The following SLC12A1 variants were observed in gnomAD, a reference collection of about 807,000 sequenced individuals.
SLC12A1 encodes solute carrier family 12 member 1, also known as Na-K-2Cl cotransporter.
Under a neutral mutation model 130.4 loss-of-function variants are expected in SLC12A1, and 89 were observed. That is an observed-to-expected ratio of 0.68 (90% confidence interval 0.58 to 0.81). The LOEUF is 0.81. Among genes scored for constraint, SLC12A1 ranks in the 40% least tolerant of loss-of-function variants. The pLI is 0.00. For synonymous variants in SLC12A1, 499 were observed against 460.0 expected, an observed-to-expected ratio of 1.08 and a Z score of -1.09; for missense variants, 1,310 against 1,336.4, an observed-to-expected ratio of 0.98 and a Z score of 0.31.
intron 21 of SLC12A1, among the ~76,000 whole-genome samples, chr15:48,285,466 AT>A (rs1156241575): frequency 1.3e-5 from 2 of 152,174 alleles, no homozygotes; most frequent in African/African-American, 4.8e-5. Context: ...GTCAAAAATT[AT>A]TTTTTAAATG....
intron 20 of SLC12A1, among the ~76,000 whole-genome samples, chr15:48,275,217 A>G (rs543196648): frequency 2.6e-5 from 4 of 152,350 alleles, no homozygotes; most frequent in Non-Finnish European, 4.4e-5. Context: ...TATGAAATAA[A>G]GAACATATTG....
chr15:48,301,600 T>C (rs1183794519), intron 26 of SLC12A1, among the ~76,000 whole-genome samples: 1 of 151,494 alleles, frequency 6.6e-6, no homozygotes, highest in Non-Finnish European at 1.5e-5. Context: ...AGAGCCTCAC[T>C]TGGACTTGCT....
intron 2 of SLC12A1, among the ~76,000 whole-genome samples, chr15:48,209,083 C>A (rs146858294): frequency 1.3e-5 from 2 of 152,108 alleles, no homozygotes; most frequent in African/African-American, 4.8e-5. Context: ...TTTTTTGAGA[C>A]GAAGTATCGC....
At chr15:48,248,351 A>T (rs1270563796) in intron 13 of SLC12A1, among the ~76,000 whole-genome samples, 1 of 152,260 alleles carries the variant, frequency 6.6e-6, no homozygotes, top group African/African-American at 2.4e-5. Context: ...AACTGATTTC[A>T]TATAGAGATG....
At chr15:48,267,523 T>A (rs2041844851) in intron 17 of SLC12A1, 38 bp from the exon 18 acceptor site, 1 of 1,610,162 alleles carries the variant, frequency 6.2e-7, no homozygotes, top group Non-Finnish European at 8.5e-7. Context: ...TGATATATAA[T>A]AGCAGGGTTC....
intron 14 of SLC12A1, among the ~76,000 whole-genome samples, chr15:48,250,076 T>G (rs995422795): frequency 2.6e-5 from 4 of 152,148 alleles, no homozygotes; most frequent in Admixed American, 6.5e-5. Context: ...GAAGGATGAG[T>G]AGTTCCCATA....
chr15:48,245,484 A>G (rs919034798), intron 11 of SLC12A1, among the ~76,000 whole-genome samples: 4 of 152,038 alleles, frequency 2.6e-5, no homozygotes, highest in South Asian at 4.2e-4. Context: ...TGAGTACTCA[A>G]TGTTTAGCTC....
intron 2 of SLC12A1, among the ~76,000 whole-genome samples, chr15:48,210,634 C>T (rs916177715): frequency 6.0e-5 from 9 of 149,068 alleles, no homozygotes; most frequent in Non-Finnish European, 1.3e-4. Flanking sequence ...GCTGGTGGAT[C>T]ACCTGAGGTC....
chr15:48,255,544 C>T (rs2041697566), intron 15 of SLC12A1, among the ~76,000 whole-genome samples: 1 of 152,212 alleles, frequency 6.6e-6, no homozygotes, highest in Non-Finnish European at 1.5e-5. Context: ...CACAGCCTCT[C>T]CCACCAAGCA....
chr15:48,208,370 C>G (rs1227274217), intron 2 of SLC12A1, among the ~76,000 whole-genome samples: 1 of 151,948 alleles, frequency 6.6e-6, no homozygotes, highest in Non-Finnish European at 1.5e-5. Flanking sequence ...TGTCACCCAG[C>G]CTGAAGTGTG....
chr15:48,228,262 T>C (rs767963617), intron 5 of SLC12A1: 1 of 152,452 alleles, frequency 6.6e-6, no homozygotes. Flanking sequence ...TGCACAGAAG[T>C]ATGCAACTAT....
rs375187903 is a variant in SLC12A1, at chr15:48,221,014, C to T, written c.628+18C>T. 57 of 1,609,930 alleles carry T rather than the reference C, an allele frequency of 3.5e-5. No homozygotes were observed. The highest frequency in any genetic ancestry group is 2.0e-4 in the African/African-American group (15 of 74,848). On this transcript the variant is annotated intron_variant, in intron 4 of 26. Transcript: ENST00000380993. Reference sequence around the variant, plus strand: ...TGGAATTGGTAAGCATTTTTCCCCTCCTAAATAATTTTGCATGTAAATCAT... The same window carrying T: ...TGGAATTGGTAAGCATTTTTCCCCTTCTAAATAATTTTGCATGTAAATCAT...
intron 20 of SLC12A1, among the ~76,000 whole-genome samples, chr15:48,276,859 G>A (rs973805096): frequency 1.3e-5 from 2 of 152,170 alleles, no homozygotes; most frequent in Non-Finnish European, 2.9e-5. Flanking sequence ...CTGGGGTCAG[G>A]TAAACCATGG....
chr15:48,237,170 C>G lies in SLC12A1; in HGVS notation c.1215+2166C>G. ...ACTTTCAGAAGAGGGGACACTCAAT[C>G]CAGGTTTTGAGGGATGAACAGGAGT... On this transcript the variant is annotated intron_variant, in intron 9 of 26. Coordinates refer to ENST00000380993, the MANE Select transcript of SLC12A1 (RefSeq NM_000338.3). 3 of 619,774 alleles carry G rather than the reference C, an allele frequency of 4.8e-6. No homozygotes were observed. In the South Asian group the frequency reaches 5.8e-5, roughly 12 times the overall value. 38.4% of individuals were successfully genotyped at this position (619,774 alleles called of 1,614,324 possible). A position where few individuals can be genotyped will look rare whatever the true frequency, so the allele number is the denominator to read the frequency against.
At chr15:48,243,072 GAGA>G (rs1321659889) in intron 10 of SLC12A1, among the ~76,000 whole-genome samples, 15 of 152,058 alleles carry the variant, frequency 9.9e-5, no homozygotes, top group Admixed American at 1.3e-4. Flanking sequence ...CCTAGTATAG[GAGA>G]AGGACAGTCG....
intron 21 of SLC12A1, 59 bp from the exon 22 acceptor site, chr15:48,287,984 A>G (rs2042077054): frequency 6.4e-7 from 1 of 1,562,330 alleles, no homozygotes; most frequent in Non-Finnish European, 8.7e-7. Flanking sequence ...TTGATTGGAA[A>G]GTTATTTTGT....
chr15:48,259,289 G>C lies in SLC12A1; in HGVS notation c.2132G>C (p.Cys711Ser), dbSNP rs753976616. 3 of 1,612,902 alleles carry C rather than the reference G, an allele frequency of 1.9e-6. No individual in the cohort carries two copies. The highest frequency in any genetic ancestry group is 2.5e-6 in the Non-Finnish European group (3 of 1,179,066). The change falls in exon 17 of 27, where the codon TGC becomes TCC. Residue 711 changes from cysteine (C) to serine (S), a missense_variant. Transcript: ENST00000380993. ...THAFTKNSGL[C>S]ICCEVFVGPR... ...GCCTTTACCAAGAACAGTGGCCTTT[G>C]CATCTGCTGTGAAGTCTTTGTGGTA...
At chr15:48,244,721 AAAGAAATAAC>A in intron 10 of SLC12A1, 22 bp from the exon 11 acceptor site, 1 of 1,612,094 alleles carries the variant, frequency 6.2e-7, no homozygotes, top group Non-Finnish European at 8.5e-7. Context: ...AGAACTTTAT[AAAGAAATAAC>A]AAGCCACGGT....
chr15:48,294,463 C>T (rs2042154411), intron 24 of SLC12A1, among the ~76,000 whole-genome samples: 1 of 151,902 alleles, frequency 6.6e-6, no homozygotes, highest in Admixed American at 6.6e-5. Context: ...TTACATCATA[C>T]TCTACTGCCT....
Sources: allele counts gnomAD v4.1 joint callset (sites outside exome capture counted in the v4.1 genomes callset), GRCh38; gene constraint gnomAD v4.1.1; transcripts MANE v1.5; gene names NCBI Gene and HGNC (gene_info 2026-07-23, HGNC 2026-07-21).